Variants in ITGB3 observed in about 807,000 individuals in gnomAD.
ITGB3 encodes the protein integrin subunit beta 3, also known as integrin beta-3.
A neutral mutation model predicts 85.8 loss-of-function variants in ITGB3; 48 were observed. That is an observed-to-expected ratio of 0.56 (90% CI 0.44 to 0.71). The LOEUF (loss-of-function observed/expected upper bound fraction) is 0.71, where lower values mean the gene tolerates loss of function less well. Among genes scored for constraint, ITGB3 ranks in the 30% least tolerant of loss-of-function variants. The pLI is 0.00. For missense variants in ITGB3, 861 were observed against 1,019.1 expected, an observed-to-expected ratio of 0.84 and a Z score of 2.11; for synonymous variants, 363 against 395.6, an observed-to-expected ratio of 0.92 and a Z score of 0.98.
rs2065159476 is a variant in ITGB3, at chr17:47,299,830, G to A, written c.1913+300G>A. 6.6e-6 allele frequency among the ~76,000 whole-genome samples: 1 copy of A among 152,212 alleles called. No individual in the cohort carries two copies. Among genetic ancestry groups the A allele is most frequent in the Non-Finnish European group, 1.5e-5 (1 of 68,038 alleles). ...CTAAACCAGTCTGAGGAACAATCCA[G>A]TGCTAATGTTCTGATTCAGTGGGAG... On this transcript the variant is annotated intron_variant, in intron 11 of 14. Transcript: ENST00000559488. The surrounding 1 kb of genome is among the most constrained non-coding windows in gnomAD (Gnocchi z 5.1).
chr17:47,273,860 A>T (rs182408527), intron 1 of ITGB3, among the ~76,000 whole-genome samples: 2 of 152,226 alleles, frequency 1.3e-5, no homozygotes, highest in Non-Finnish European at 2.9e-5. Flanking sequence ...TCCAAGATAT[A>T]TGCATTGAGA....
intron 1 of ITGB3, among the ~76,000 whole-genome samples, chr17:47,271,720 A>T (rs2065044620): frequency 6.6e-6 from 1 of 152,158 alleles, no homozygotes; most frequent in Non-Finnish European, 1.5e-5. Flanking sequence ...AATGCCATAA[A>T]CTGGGTGGCT....
intron 6 of ITGB3, 147 bp from the exon 7 acceptor site, chr17:47,289,534 A>G (rs1449867777): frequency 1.5e-6 from 1 of 672,724 alleles, no homozygotes; most frequent in Non-Finnish European, 2.6e-6. Flanking sequence ...TATGTTGCCC[A>G]GGCTCTTGTC....
At position 47,290,041 on chromosome 17, in the gene ITGB3, G is replaced by T. The variant is rs988800803; in HGVS notation, c.1036-144G>T. 5.2e-6 allele frequency: 4 copies of T among 773,468 alleles called. No individual in the cohort carries two copies. In the African/African-American group the frequency reaches 6.8e-5, roughly 13 times the overall value. The allele number at this position is 773,468 out of a possible 1,614,324, so 47.9% of individuals were successfully genotyped here. On this transcript the variant is annotated intron_variant, in intron 7 of 14. Transcript: ENST00000559488. Reference sequence around the variant, plus strand: ...TTTGCTCAGGGCTGAAAAACTGCTAGATATATTCCTGGCAGTGACAATTGA... The same window carrying T: ...TTTGCTCAGGGCTGAAAAACTGCTATATATATTCCTGGCAGTGACAATTGA...
At chr17:47,254,253 C>T (rs759406651) in intron 1 of ITGB3, among the ~76,000 whole-genome samples, 4 of 152,032 alleles carry the variant, frequency 2.6e-5, no homozygotes, top group African/African-American at 9.7e-5. Flanking sequence ...CGCGCTCACC[C>T]GGGGCTGCGC....
At position 47,274,715 on chromosome 17, in the gene ITGB3, CT is replaced by C. The variant is rs1477527960; in HGVS notation, c.165+212del. 5.2e-5 allele frequency among the ~76,000 whole-genome samples: 8 copies of C among 152,396 alleles called. 1 individual carries two copies. The highest frequency in any genetic ancestry group is 3.4e-3 in the Middle Eastern group (1 of 294). On this transcript the variant is annotated intron_variant, in intron 2 of 14. Coordinates refer to ENST00000559488, the MANE Select transcript of ITGB3 (RefSeq NM_000212.3). Reference sequence around the variant, plus strand: ...CTAACCCAAGTCTACCATATAGCCCCTGGCCCTTGCCAGTTTGGCTCGACCT... The same window carrying C: ...CTAACCCAAGTCTACCATATAGCCCCGGCCCTTGCCAGTTTGGCTCGACCT...
intron 1 of ITGB3, among the ~76,000 whole-genome samples, chr17:47,262,097 C>T (rs2065010407): frequency 6.6e-6 from 1 of 152,110 alleles, no homozygotes; most frequent in South Asian, 2.1e-4. Flanking sequence ...GTTGGTGGGT[C>T]GAAGGGCATG....
At chr17:47,290,357 A>C in intron 8 of ITGB3, 83 bp downstream of exon 8, 1 of 1,165,240 alleles carries the variant, frequency 8.6e-7, no homozygotes, top group African/African-American at 1.5e-5. Context: ...TGTGAGTCCC[A>C]GTTGCCAGTC....
rs776192823 is a variant in ITGB3, at chr17:47,300,464, C to T, written c.1914-14C>T. ...TCCTTCTTTGCCTTAATCACTGTGT[C>T]CTCTCTCCTTCAGAGAATGTGTGGA... On this transcript the variant is annotated splice_polypyrimidine_tract_variant and intron_variant, in intron 11 of 14. Coordinates refer to ENST00000559488, the MANE Select transcript of ITGB3 (RefSeq NM_000212.3). 2.2e-5 allele frequency: 36 copies of T among 1,601,554 alleles called. No homozygotes were observed. Among genetic ancestry groups the T allele is most frequent in the Non-Finnish European group, 3.0e-5 (35 of 1,168,732 alleles).
intron 1 of ITGB3, among the ~76,000 whole-genome samples, chr17:47,266,749 TA>T (rs1018409076): frequency 6.6e-6 from 1 of 152,058 alleles, no homozygotes; most frequent in African/African-American, 2.4e-5. Flanking sequence ...AGCTAATTTT[TA>T]AAAAAATTTT....
At chr17:47,275,988 T>C (rs1717800450) in intron 2 of ITGB3, among the ~76,000 whole-genome samples, 1 of 152,170 alleles carries the variant, frequency 6.6e-6, no homozygotes, top group Non-Finnish European at 1.5e-5. Context: ...ATCGTGATAT[T>C]ACTAAAGCTT....
At chr17:47,297,898 G>T (rs1034766290) in intron 10 of ITGB3, among the ~76,000 whole-genome samples, 3 of 118,640 alleles carry the variant, frequency 2.5e-5, no homozygotes, top group African/African-American at 9.4e-5. Context: ...AAAAAAAAAA[G>T]CAAATAAATA....
chr17:47,270,115 A>G (rs915271387), intron 1 of ITGB3, among the ~76,000 whole-genome samples: 6 of 152,300 alleles, frequency 3.9e-5, no homozygotes, highest in African/African-American at 7.2e-5. Context: ...CTGTGATTCT[A>G]TTACCTCCCA....
intron 2 of ITGB3, among the ~76,000 whole-genome samples, chr17:47,282,248 C>A (rs1025992121): frequency 4.6e-5 from 7 of 152,068 alleles, no homozygotes; most frequent in Admixed American, 2.0e-4. Flanking sequence ...TGTGCCTGGC[C>A]CATCTTAACC....
intron 10 of ITGB3, among the ~76,000 whole-genome samples, chr17:47,295,450 C>T (rs1212998920): frequency 6.6e-6 from 1 of 152,142 alleles, no homozygotes; most frequent in African/African-American, 2.4e-5. Context: ...CTCTGACTTT[C>T]CGATGAACCC....
chr17:47,289,121 C>T (rs892260209), intron 6 of ITGB3, among the ~76,000 whole-genome samples: 8 of 152,134 alleles, frequency 5.3e-5, no homozygotes, highest in East Asian at 3.9e-4. Flanking sequence ...TCACGAGGGC[C>T]AGGCCAAGGC....
chr17:47,286,480 G>A (rs1336825036), intron 5 of ITGB3, 58 bp downstream of exon 5: 10 of 1,597,254 alleles, frequency 6.3e-6, no homozygotes, highest in Non-Finnish European at 8.6e-6. Flanking sequence ...AATGGGAAAG[G>A]AAGTGACTGA....
At chr17:47,285,466 T>C (rs1387864369) in intron 4 of ITGB3, among the ~76,000 whole-genome samples, 1 of 151,932 alleles carries the variant, frequency 6.6e-6, no homozygotes, top group African/African-American at 2.4e-5. Context: ...TACAAAAAAA[T>C]TAGCTATGTG....
chr17:47,277,180 C>T (rs2065066983), intron 2 of ITGB3, among the ~76,000 whole-genome samples: 1 of 152,130 alleles, frequency 6.6e-6, no homozygotes, highest in Non-Finnish European at 1.5e-5. Flanking sequence ...AAGAGGCGGG[C>T]TTTATACAGA....
Sources: gnomAD v4.1 joint callset for allele counts (sites outside exome capture counted in the v4.1 genomes callset) on GRCh38, gnomAD v4.1.1 for gene constraint, Gnocchi (gnomAD v3.1) non-coding constraint, MANE v1.5 for transcripts, NCBI Gene and HGNC (gene_info 2026-07-23, HGNC 2026-07-21) for gene names.